Variants in WRN observed in about 807,000 individuals in gnomAD.
The protein encoded by WRN is bifunctional 3'-5' exonuclease/ATP-dependent helicase WRN.
In WRN, 149 loss-of-function variants were observed where a neutral mutation model predicts 180.7. The observed-to-expected ratio is 0.82, with a 90% CI of 0.72 to 0.94. WRN has a LOEUF of 0.94. Ranked by LOEUF, WRN falls within the 40% of genes least tolerant of loss-of-function variation. The pLI, the probability that WRN is intolerant of heterozygous loss-of-function variation, is 0.00. For synonymous variants in WRN, 548 were observed against 568.9 expected (o/e 0.96, Z 0.52); for missense variants, 1,661 against 1,700.1 (o/e 0.98, Z 0.40).
chr8:31,132,366 T>C lies in WRN; in HGVS notation c.2827T>C (p.Leu943=), dbSNP rs1217549627. The C allele has an allele frequency of 6.2e-7, 1 of 1,613,768 alleles. No individual in the cohort carries two copies. Among genetic ancestry groups the C allele is most frequent in the Non-Finnish European group, 8.5e-7 (1 of 1,179,916 alleles). Residue 943 remains leucine, a splice_region_variant and synonymous_variant, in exon 24 of 35, where the codon TTG becomes CTG. Transcript: ENST00000298139. The stretch of plus-strand genomic sequence containing the variant: ...TCAAATGTTATTATTTTTATTTAGA[T>C]TGGATCATTGCTATTCCATGGATGA... The part of the protein sequence containing the change: ...EKCCDNCRSR[L]DHCYSMDDSE...
At chr8:31,075,905 TCTC>T (rs910551734) in intron 7 of WRN, among the ~76,000 whole-genome samples, 3 of 152,142 alleles carry the variant, frequency 2.0e-5, no homozygotes, top group Admixed American at 6.5e-5. Flanking sequence ...ATTTCCACCT[TCTC>T]CTTCTGCCTA....
intron 1 of WRN, among the ~76,000 whole-genome samples, chr8:31,049,210 C>CA (rs72226104): frequency 0.14 from 4,321 of 31,754 alleles, 1,145 homozygotes; most frequent in African/African-American, 0.26. Context: ...GACTCTGTCT[C>CA]AAAAAAAAAA....
At chr8:31,055,019 G>A (rs1167077044) in intron 1 of WRN, among the ~76,000 whole-genome samples, 1 of 152,166 alleles carries the variant, frequency 6.6e-6, no homozygotes, top group African/African-American at 2.4e-5. Flanking sequence ...ATGGATTCCA[G>A]TTCCATCCAT....
In WRN at chr8:31,088,934, A is replaced by G. The variant is rs1554522745; in HGVS notation, c.1621A>G (p.Lys541Glu). The change falls in exon 13 of 35, where the codon AAG becomes GAG. Residue 541 changes from lysine (K) to glutamate (E), a missense_variant. Transcript: ENST00000298139. Reference sequence around the variant, plus strand: ...CAATGAAGAGCAAGTTACTTGCCTCAAGATGTACTTTGGCCATTCCAGTTT... The same window carrying G: ...CAATGAAGAGCAAGTTACTTGCCTCGAGATGTACTTTGGCCATTCCAGTTT... Reference protein sequence around the residue: ...APNEEQVTCLKMYFGHSSFKP... With the variant: ...APNEEQVTCLEMYFGHSSFKP... The G allele has an allele frequency of 6.2e-7, 1 of 1,611,608 alleles. No homozygotes were observed. Among genetic ancestry groups the G allele is most frequent in the Non-Finnish European group, 8.5e-7 (1 of 1,178,740 alleles).
intron 27 of WRN, among the ~76,000 whole-genome samples, chr8:31,143,064 C>CACACACACATACAT (rs1489579629): frequency 3.6e-4 from 48 of 132,804 alleles, no homozygotes; most frequent in African/African-American, 1.3e-3. Flanking sequence ...CATTCTCTCT[C>CACACACACATACAT]TCTCTCTCTC....
At chr8:31,081,994 C>A (rs1813333437) in intron 9 of WRN, among the ~76,000 whole-genome samples, 1 of 152,148 alleles carries the variant, frequency 6.6e-6, no homozygotes, top group Non-Finnish European at 1.5e-5. Flanking sequence ...CTCCTGGACT[C>A]AAGTGATCCA....
Position 31,145,003 on chromosome 8 carries a change from A to G in WRN, c.3383+1380A>G, listed in dbSNP as rs567676068. Among the ~76,000 whole-genome samples the G allele has an allele frequency of 2.0e-5, 3 of 152,362 alleles. No homozygotes were observed. In the East Asian group the frequency reaches 5.8e-4, roughly 29 times the overall value. ...CTGAGAGAGGTGAGGAAGCTGCAGA[A>G]TAAAAGTTTGAGGCCAGCAGAGGTT... On this transcript the variant is annotated intron_variant, in intron 28 of 34. Transcript: ENST00000298139.
intron 13 of WRN, among the ~76,000 whole-genome samples, chr8:31,090,228 T>A (rs929848611): frequency 2.6e-5 from 4 of 150,976 alleles, no homozygotes; most frequent in Admixed American, 6.6e-5. Flanking sequence ...AATCTGTTTT[T>A]TACTTTAGAT....
intron 1 of WRN, among the ~76,000 whole-genome samples, chr8:31,036,648 C>A (rs1216325168): frequency 6.6e-6 from 1 of 152,062 alleles, no homozygotes; most frequent in Non-Finnish European, 1.5e-5. Context: ...TGTATATCTC[C>A]TTTTGAGAAA....
At chr8:31,107,981 G>T (rs1164195479) in intron 18 of WRN, among the ~76,000 whole-genome samples, 1 of 152,208 alleles carries the variant, frequency 6.6e-6, no homozygotes, top group Non-Finnish European at 1.5e-5. Flanking sequence ...AATGAAGTAT[G>T]TGTGATGTTA....
chr8:31,068,121 T>C, intron 6 of WRN, 137 bp from the exon 7 acceptor site: 1 of 651,674 alleles, frequency 1.5e-6, no homozygotes. Context: ...CATATTGATA[T>C]TTGTGTCACA....
rs78626226 is a variant in WRN, at chr8:31,152,033, C to G, written c.3687+1578C>G. Among the ~76,000 whole-genome samples, 1,395 of 151,956 alleles carry G rather than the reference C, an allele frequency of 9.2e-3. 22 individuals are homozygous for G. The highest frequency in any genetic ancestry group is 0.032 in the African/African-American group (1,333 of 41,476). ...ATGCTAAAATATTTTTATATAAATA[C>G]ATTTTTTGAGAATTTTGAGAATTTC... On this transcript the variant is annotated intron_variant, in intron 31 of 34. Transcript: ENST00000298139.
chr8:31,096,728 G>GTT (rs376058022), intron 16 of WRN, 40 bp from the exon 17 acceptor site: 5,925 of 1,148,064 alleles, frequency 5.2e-3, no homozygotes, highest in South Asian at 0.016. Flanking sequence ...TTCCCTTCCT[G>GTT]TTTTTTTTTT....
chr8:31,149,598 C>T (rs935095721), intron 30 of WRN, among the ~76,000 whole-genome samples: 4 of 148,444 alleles, frequency 2.7e-5, no homozygotes, highest in East Asian at 2.1e-4. Context: ...CCTCAGCCTC[C>T]GGAATAGCTG....
chr8:31,140,307 C>T (rs937489043), intron 24 of WRN, among the ~76,000 whole-genome samples: 1 of 151,798 alleles, frequency 6.6e-6, no homozygotes, highest in Non-Finnish European at 1.5e-5. Flanking sequence ...AGGCATGAAC[C>T]ACTGTGCCTG....
chr8:31,044,633 G>A lies in WRN; in HGVS notation c.-77+10660G>A, dbSNP rs187252369. 4.9e-3 allele frequency among the ~76,000 whole-genome samples: 740 copies of A among 152,278 alleles called. 6 individuals are homozygous for A. The highest frequency in any genetic ancestry group is 0.017 in the African/African-American group (707 of 41,558). ...GCCTCCCAAAGTTCTGGGATTATAG[G>A]CGTGAGCCACTGTGCCCGGCCAATT... On this transcript the variant is annotated intron_variant, in intron 1 of 34. Coordinates refer to ENST00000298139, the MANE Select transcript of WRN (RefSeq NM_000553.6).
chr8:31,085,856 C>G (rs926141846), intron 11 of WRN, among the ~76,000 whole-genome samples: 1 of 151,942 alleles, frequency 6.6e-6, no homozygotes, highest in Admixed American at 6.6e-5. Flanking sequence ...AATTGAGTTT[C>G]CTTTCTTCCA....
At chr8:31,122,081 T>A (rs537582318) in intron 21 of WRN, among the ~76,000 whole-genome samples, 51 of 152,108 alleles carry the variant, frequency 3.4e-4, no homozygotes, top group African/African-American at 1.2e-3. Context: ...TTTCTCTGGG[T>A]CTTAAAAGAT....
rs1483258496 is a variant in WRN, at chr8:31,132,419, T to C, written c.2880T>C (p.Gly960=). Reference sequence around the variant, plus strand: ...CAGAGGATACATCCTGGGACTTTGGTCCACAAGCATTTAAGCTTTTGTCTG... The same window carrying C: ...CAGAGGATACATCCTGGGACTTTGGCCCACAAGCATTTAAGCTTTTGTCTG... The part of the protein sequence containing the change: ...DDSEDTSWDF[G]PQAFKLLSAV... Residue 960 remains glycine (G), a synonymous_variant, in exon 24 of 35, where the codon GGT becomes GGC. Transcript: ENST00000298139. 6.2e-7 allele frequency: 1 copy of C among 1,614,034 alleles called. No individual in the cohort carries two copies. Among genetic ancestry groups the C allele is most frequent in the Non-Finnish European group, 8.5e-7 (1 of 1,180,018 alleles).
Sources: gnomAD v4.1 joint callset for allele counts (sites outside exome capture counted in the v4.1 genomes callset) on GRCh38, gnomAD v4.1.1 for gene constraint, MANE v1.5 for transcripts, NCBI Gene and HGNC (gene_info 2026-07-23, HGNC 2026-07-21) for gene names.